The following CAST variants were observed in gnomAD, a reference collection of about 807,000 sequenced individuals.
CAST encodes the protein calpastatin.
In CAST, 76 loss-of-function variants were observed where a neutral mutation model predicts 119.6. The observed-to-expected ratio is 0.64, with a 90% confidence interval of 0.53 to 0.77. CAST has a LOEUF of 0.77. Among genes scored for constraint, CAST ranks in the 30% least tolerant of loss-of-function variants. CAST has a pLI of 0.00. For missense variants in CAST, 953 were observed against 946.5 expected (o/e 1.01, Z -0.09); for synonymous variants, 319 against 331.6 (o/e 0.96, Z 0.41).
intron 1 of CAST, among the ~76,000 whole-genome samples, chr5:96,592,171 C>T (rs899085901): frequency 4.0e-5 from 6 of 151,884 alleles, no homozygotes; most frequent in East Asian, 1.9e-4. Flanking sequence ...CTGAGGCGGG[C>T]GGATCATTTG....
the CAST span, among the ~76,000 whole-genome samples, chr5:95,974,173 C>T: frequency 6.6e-6 from 1 of 152,310 alleles, no homozygotes; most frequent in South Asian, 2.1e-4. Context: ...GACACCTTAC[C>T]ACCCATTGAT....
At chr5:96,352,428 A>G in the CAST span, among the ~76,000 whole-genome samples, 6 of 152,176 alleles carry the variant, frequency 3.9e-5, no homozygotes, top group Admixed American at 2.0e-4. Context: ...AACATAATTG[A>G]CTAGCAATGT....
At chr5:96,349,006 T>C in the CAST span, among the ~76,000 whole-genome samples, 2 of 151,954 alleles carry the variant, frequency 1.3e-5, no homozygotes, top group Non-Finnish European at 2.9e-5. Flanking sequence ...AATGAAGATT[T>C]TGGGAGTTTG....
At chr5:96,751,735 G>A (rs1765103630) in intron 20 of CAST, among the ~76,000 whole-genome samples, 1 of 152,178 alleles carries the variant, frequency 6.6e-6, no homozygotes, top group African/African-American at 2.4e-5. Flanking sequence ...TAGAACTCTT[G>A]TAACCAAAAC....
chr5:96,255,382 G>A, the CAST span, among the ~76,000 whole-genome samples: 3 of 152,142 alleles, frequency 2.0e-5, no homozygotes, highest in Admixed American at 2.0e-4. Context: ...TTGCTGAAAA[G>A]ACGAAAAGTG....
the CAST span, among the ~76,000 whole-genome samples, chr5:96,455,494 T>C: frequency 1.3e-5 from 2 of 152,226 alleles, no homozygotes; most frequent in African/African-American, 4.8e-5. Flanking sequence ...GAGTTTCATT[T>C]GAAGAGTTCA....
chr5:96,383,195 A>T, the CAST span, among the ~76,000 whole-genome samples: 11 of 152,302 alleles, frequency 7.2e-5, no homozygotes, highest in African/African-American at 2.6e-4. Flanking sequence ...TTCCCTGAGG[A>T]AAGAATTTAT....
the CAST span, among the ~76,000 whole-genome samples, chr5:96,031,231 C>G: frequency 7.4e-6 from 1 of 134,484 alleles, no homozygotes; most frequent in African/African-American, 2.8e-5. Flanking sequence ...CAGAACATGA[C>G]CAAAAAAAAA....
the CAST span, among the ~76,000 whole-genome samples, chr5:96,464,286 G>A: frequency 6.6e-6 from 1 of 151,896 alleles, no homozygotes; most frequent in Admixed American, 6.6e-5. Context: ...GTTTTTCTAT[G>A]TTATTTTTCT....
the CAST span, among the ~76,000 whole-genome samples, chr5:96,416,723 T>C: frequency 2.6e-5 from 4 of 152,184 alleles, no homozygotes; most frequent in African/African-American, 9.7e-5. Context: ...TGCAAGACAT[T>C]ACCAGCTAAT....
chr5:96,585,573 A>T (rs1746844995), intron 1 of CAST, among the ~76,000 whole-genome samples: 1 of 152,192 alleles, frequency 6.6e-6, no homozygotes, highest in Non-Finnish European at 1.5e-5. Flanking sequence ...GAAAAGCAAT[A>T]TGTGTTTAGA....
intron 9 of CAST, among the ~76,000 whole-genome samples, chr5:96,734,879 A>G (rs1448844840): frequency 6.6e-6 from 1 of 152,196 alleles, no homozygotes; most frequent in Admixed American, 6.5e-5. Context: ...GACAATTAAA[A>G]TACTGTTTTC....
At chr5:95,995,225 C>T in the CAST span, among the ~76,000 whole-genome samples, 1 of 150,314 alleles carries the variant, frequency 6.7e-6, no homozygotes, top group African/African-American at 2.5e-5. Flanking sequence ...AAGAGTCAAA[C>T]TGACCCCAGT....
In CAST at chr5:96,740,132, T is replaced by C. The variant is rs754023258; in HGVS notation, c.879+14T>C. 8.7e-7 allele frequency: 1 copy of C among 1,154,374 alleles called. No homozygotes were observed. The highest frequency in any genetic ancestry group is 1.3e-6 in the Non-Finnish European group (1 of 784,024). 71.5% of individuals were successfully genotyped at this position (1,154,374 alleles called of 1,614,324 possible). ...GAACTATTGGCTGTAAGTTAAATAA[T>C]CATTTACTTTTATTTCACTGTTTCC... On this transcript the variant is annotated intron_variant, in intron 12 of 31. Coordinates refer to ENST00000675179, the MANE Select transcript of CAST (RefSeq NM_001750.7).
the CAST span, among the ~76,000 whole-genome samples, chr5:96,362,236 A>C: frequency 6.6e-6 from 1 of 151,876 alleles, no homozygotes; most frequent in East Asian, 1.9e-4. Context: ...TCTATCATTG[A>C]TGGACATTTG....
chr5:96,327,557 G>A, the CAST span, among the ~76,000 whole-genome samples: 3 of 152,226 alleles, frequency 2.0e-5, no homozygotes, highest in Admixed American at 6.5e-5. Context: ...CCTTGAAAAC[G>A]GCAGAGTGAC....
chr5:96,266,836 C>G, the CAST span, among the ~76,000 whole-genome samples: 3 of 152,134 alleles, frequency 2.0e-5, no homozygotes, highest in Non-Finnish European at 4.4e-5. Flanking sequence ...AAACCAGTGA[C>G]TGACCACAAT....
At chr5:96,135,052 G>A in the CAST span, among the ~76,000 whole-genome samples, 2 of 152,190 alleles carry the variant, frequency 1.3e-5, no homozygotes, top group Admixed American at 6.5e-5. Context: ...CACTTGCAGG[G>A]ACCAGAAGGC....
At chr5:96,682,798 T>C (rs1751602138) in intron 2 of CAST, among the ~76,000 whole-genome samples, 1 of 152,198 alleles carries the variant, frequency 6.6e-6, no homozygotes, top group Non-Finnish European at 1.5e-5. Context: ...TAGTGGACTT[T>C]CATTCATTAC....
Sources: gnomAD v4.1 joint callset for allele counts (sites outside exome capture counted in the v4.1 genomes callset) on GRCh38, gnomAD v4.1.1 for gene constraint, MANE v1.5 for transcripts, NCBI Gene and HGNC (gene_info 2026-07-23, HGNC 2026-07-21) for gene names.